The following DOCK1 variants were observed in gnomAD, a reference collection of about 807,000 sequenced individuals.
DOCK1 encodes dedicator of cytokinesis protein 1.
Under a neutral mutation model 262.7 loss-of-function variants are expected in DOCK1, and 138 were observed. That is an observed-to-expected ratio of 0.53 (90% CI 0.46 to 0.61). The LOEUF is 0.61. Ranked by LOEUF, DOCK1 falls within the 20% of genes least tolerant of loss-of-function variation. The probability of loss-of-function intolerance (pLI) is 0.00; values close to 1 mark genes in which losing one functional copy is unlikely to be tolerated. For missense variants in DOCK1, 1,908 were observed against 2,370.7 expected (o/e 0.80, Z 4.05); for synonymous variants, 866 against 867.4 (o/e 1.00, Z 0.03).
intron 29 of DOCK1, among the ~76,000 whole-genome samples, chr10:127,277,893 A>G (rs1590239437): frequency 6.6e-6 from 1 of 151,956 alleles, no homozygotes; most frequent in Non-Finnish European, 1.5e-5. Context: ...AATCTTTTCA[A>G]ATCTTTAGAA....
intron 33 of DOCK1, among the ~76,000 whole-genome samples, chr10:127,368,528 C>T (rs1304071589): frequency 1.3e-5 from 2 of 152,106 alleles, no homozygotes; most frequent in Non-Finnish European, 2.9e-5. Flanking sequence ...ATGCTTACCC[C>T]TAAACTCAGG....
At chr10:127,314,280 A>C (rs965625157) in intron 29 of DOCK1, among the ~76,000 whole-genome samples, 2 of 152,126 alleles carry the variant, frequency 1.3e-5, no homozygotes, top group Non-Finnish European at 2.9e-5. Flanking sequence ...GTGTGTTTAT[A>C]AGTATGATTT....
chr10:127,048,542 A>C (rs896318103), intron 21 of DOCK1, among the ~76,000 whole-genome samples: 1 of 152,218 alleles, frequency 6.6e-6, no homozygotes. Flanking sequence ...TTAAAAAAAC[A>C]GATAGGGATT....
rs550917994 is a variant in DOCK1 at position 127,273,838 on chromosome 10, C to T, written c.3044+16409C>T. ...CAGAGGTTGCAGTGAGCGGAGATTG[C>T]GCCGCTGCACTCCAGCCTGGGTTAC... On this transcript the variant is annotated intron_variant, in intron 29 of 51. Coordinates refer to ENST00000623213, the MANE Select transcript of DOCK1 (RefSeq NM_001290223.2). Among the ~76,000 whole-genome samples the T allele has an allele frequency of 9.3e-5, 14 of 150,488 alleles. No homozygotes were observed. In the East Asian group the frequency reaches 9.9e-4, roughly 11 times the overall value.
chr10:127,155,564 T>C (rs925823428), intron 27 of DOCK1, among the ~76,000 whole-genome samples: 4 of 152,150 alleles, frequency 2.6e-5, no homozygotes, highest in Admixed American at 1.3e-4. Context: ...GAACAGCCTG[T>C]GCCTTATCCC....
At chr10:127,407,323 G>A (rs927491344) in intron 40 of DOCK1, among the ~76,000 whole-genome samples, 2 of 152,080 alleles carry the variant, frequency 1.3e-5, no homozygotes, top group Non-Finnish European at 2.9e-5. Flanking sequence ...TCTGGGGAGG[G>A]CCATTCCTCA....
intron 3 of DOCK1, among the ~76,000 whole-genome samples, chr10:126,980,852 C>A (rs2038914918): frequency 6.6e-6 from 1 of 152,190 alleles, no homozygotes; most frequent in Admixed American, 6.5e-5. Context: ...CTGCGTTGCA[C>A]TGCCCAAGAC....
intron 50 of DOCK1, 111 bp downstream of exon 50, chr10:127,444,390 G>T: frequency 1.5e-6 from 2 of 1,331,582 alleles, no homozygotes; most frequent in Non-Finnish European, 1.0e-6. Flanking sequence ...CAGAGGGTGG[G>T]AGTTTAGATA....
At chr10:126,957,252 G>A (rs1449418211) in intron 1 of DOCK1, among the ~76,000 whole-genome samples, 1 of 152,168 alleles carries the variant, frequency 6.6e-6, no homozygotes, top group African/African-American at 2.4e-5. Context: ...AGTCCCTGGC[G>A]TGGCTGCCTT....
At chr10:126,983,606 C>G (rs908972755) in intron 4 of DOCK1, among the ~76,000 whole-genome samples, 1 of 152,084 alleles carries the variant, frequency 6.6e-6, no homozygotes, top group Non-Finnish European at 1.5e-5. Context: ...CTGTCTCTTG[C>G]AGGCTCTGTC....
intron 1 of DOCK1, among the ~76,000 whole-genome samples, chr10:126,934,366 A>AC (rs1421509963): frequency 6.6e-6 from 1 of 152,204 alleles, no homozygotes; most frequent in Non-Finnish European, 1.5e-5. Flanking sequence ...CTTGAGTGTG[A>AC]CCCACGTGCT....
At chr10:127,026,227 G>A (rs112016128) in intron 15 of DOCK1, 125 bp from the exon 16 acceptor site, 11 of 925,710 alleles carry the variant, frequency 1.2e-5, no homozygotes, top group African/African-American at 6.6e-5. Context: ...GGGACTAGGT[G>A]TACAGTATTT....
intron 1 of DOCK1, among the ~76,000 whole-genome samples, chr10:126,928,290 G>A (rs956708114): frequency 3.9e-5 from 6 of 152,216 alleles, no homozygotes; most frequent in African/African-American, 1.4e-4. Flanking sequence ...TCAGCCTGAT[G>A]AGCTGCTGAG....
chr10:127,346,776 G>C (rs558233740), intron 31 of DOCK1, among the ~76,000 whole-genome samples: 2 of 152,304 alleles, frequency 1.3e-5, no homozygotes, highest in East Asian at 1.9e-4. Context: ...TAGGGCTTTC[G>C]TATTCTCTTT....
At chr10:127,052,542 A>G in intron 21 of DOCK1, 139 bp from the exon 22 acceptor site, 1 of 1,186,934 alleles carries the variant, frequency 8.4e-7, no homozygotes, top group Non-Finnish European at 1.2e-6. Context: ...AAAAAAAAAG[A>G]GAAAACGTTT....
At chr10:127,003,226 CT>C in intron 10 of DOCK1, among the ~76,000 whole-genome samples, 1 of 152,078 alleles carries the variant, frequency 6.6e-6, no homozygotes, top group East Asian at 1.9e-4. Flanking sequence ...CTGTGTGAAC[CT>C]TTATGAACCT....
intron 10 of DOCK1, chr10:127,001,024 A>G (rs1184931134): frequency 6.6e-6 from 1 of 152,408 alleles, no homozygotes; most frequent in Non-Finnish European, 1.5e-5. Context: ...ATACCCAGGA[A>G]GTTCTGATTA....
In DOCK1 at chr10:127,339,097, G is replaced by T. The variant is rs74903675; in HGVS notation, c.3123+13G>T. ...CTTTGAGCTACAGGTAAGAGAAGAG[G>T]TAGACACGACCTTTGTGGAGAAATC... On this transcript the variant is annotated intron_variant, in intron 30 of 51. Coordinates refer to ENST00000623213, the MANE Select transcript of DOCK1 (RefSeq NM_001290223.2). The T allele has an allele frequency of 5.3e-3, 8,292 of 1,560,534 alleles. 104 individuals are homozygous for T. The highest frequency in any genetic ancestry group is 0.028 in the African/African-American group (2,076 of 73,590).
At chr10:127,423,414 CAG>C (rs996295213) in intron 46 of DOCK1, among the ~76,000 whole-genome samples, 3 of 152,164 alleles carry the variant, frequency 2.0e-5, no homozygotes, top group African/African-American at 4.8e-5. Flanking sequence ...GCCTCAGAAA[CAG>C]AGGATGGGCT....
Sources: allele counts gnomAD v4.1 joint callset (sites outside exome capture counted in the v4.1 genomes callset), GRCh38; gene constraint gnomAD v4.1.1; transcripts MANE v1.5; gene names NCBI Gene and HGNC (gene_info 2026-07-23, HGNC 2026-07-21).